NTM: variants seen among roughly 807,000 people sequenced by gnomAD.
NTM encodes IgLON family member 2.
A neutral mutation model predicts 42.1 loss-of-function variants in NTM; 13 were observed. The ratio of observed to expected loss-of-function variants is 0.31; its 90% CI spans 0.20 to 0.49. The LOEUF (loss-of-function observed/expected upper bound fraction) is 0.49, where lower values mean the gene tolerates loss of function less well. NTM is among the 20% of genes least tolerant of loss of function. The pLI is 0.99. For missense variants in NTM, 373 were observed against 452.8 expected, an observed-to-expected ratio of 0.82 and a Z score of 1.60; for synonymous variants, 187 against 179.2, an observed-to-expected ratio of 1.04 and a Z score of -0.35.
At chr11:131,569,798 T>G (rs2057284285) in intron 1 of NTM, among the ~76,000 whole-genome samples, 1 of 152,160 alleles carries the variant, frequency 6.6e-6, no homozygotes, top group Non-Finnish European at 1.5e-5. Context: ...TCAAGCTGGT[T>G]TCAAACTCTT....
intron 1 of NTM, among the ~76,000 whole-genome samples, chr11:131,873,895 A>T (rs1309980104): frequency 7.1e-6 from 1 of 140,830 alleles, no homozygotes; most frequent in Non-Finnish European, 1.5e-5. Context: ...CTTATGAGTG[A>T]GAACATGCAG....
At chr11:132,211,577 C>T (rs1212596383) in intron 3 of NTM, among the ~76,000 whole-genome samples, 1 of 152,236 alleles carries the variant, frequency 6.6e-6, no homozygotes, top group Non-Finnish European at 1.5e-5. Flanking sequence ...TGCATGGCCT[C>T]ATGCCTAGAA....
chr11:131,375,194 C>T (rs980274955), intron 1 of NTM, among the ~76,000 whole-genome samples: 1 of 152,116 alleles, frequency 6.6e-6, no homozygotes, highest in Non-Finnish European at 1.5e-5. Flanking sequence ...CTCTGCGGGC[C>T]TATCTCCCCA....
In NTM at chr11:132,149,542, C is replaced by CA. The variant is rs750161069; in HGVS notation, c.400+3029dup. On this transcript the variant is annotated intron_variant, in intron 3 of 8. Coordinates refer to ENST00000683400, the MANE Select transcript of NTM (RefSeq NM_001352005.2). ...ACACAGAAGGAAGGTAGTGGCATCT[C>CA]ACAGCATTGCACAAGCTGCTTCAGG... Among the ~76,000 whole-genome samples the CA allele has an allele frequency of 2.0e-5, 3 of 152,216 alleles. No individual in the cohort carries two copies. The South Asian group carries it at 6.2e-4, about 32-fold the overall frequency.
intron 1 of NTM, among the ~76,000 whole-genome samples, chr11:131,397,370 G>T (rs895178868): frequency 1.3e-5 from 2 of 152,020 alleles, no homozygotes; most frequent in Non-Finnish European, 2.9e-5. Context: ...TACTCCTTCA[G>T]AATAGCTTAA....
chr11:132,261,600 C>A (rs369734789), intron 4 of NTM, among the ~76,000 whole-genome samples: 1 of 152,280 alleles, frequency 6.6e-6, no homozygotes, highest in African/African-American at 2.4e-5. Flanking sequence ...TAGATGGAGG[C>A]ATTTCTGACA....
At chr11:132,149,947 T>C (rs1029193665) in intron 3 of NTM, among the ~76,000 whole-genome samples, 11 of 152,226 alleles carry the variant, frequency 7.2e-5, no homozygotes, top group Admixed American at 3.9e-4. Context: ...TCCATAGTCA[T>C]GCAAGACTAC....
rs114632786 is a variant in NTM at position 131,877,331 on chromosome 11, G to A, written c.83-34233G>A. On this transcript the variant is annotated intron_variant, in intron 1 of 8. Transcript: ENST00000683400. The stretch of plus-strand genomic sequence containing the variant: ...GAGTCTCCCCACGTTGGCTTTTCTC[G>A]CCTGGCCTCTTGTTTAAGTTGGTTT... 2.7e-3 allele frequency among the ~76,000 whole-genome samples: 413 copies of A among 152,246 alleles called. 2 individuals are homozygous for A. The highest frequency in any genetic ancestry group is 9.4e-3 in the African/African-American group (391 of 41,552).
intron 2 of NTM, among the ~76,000 whole-genome samples, chr11:131,912,520 T>C (rs2055379435): frequency 6.6e-6 from 1 of 152,192 alleles, no homozygotes; most frequent in African/African-American, 2.4e-5. Flanking sequence ...CCAGTGTTGA[T>C]AAACCACACC....
At chr11:131,558,203 C>T (rs554046914) in intron 1 of NTM, among the ~76,000 whole-genome samples, 12 of 152,272 alleles carry the variant, frequency 7.9e-5, no homozygotes, top group South Asian at 2.1e-4. Context: ...AGTTCTTCTG[C>T]GTGCTTCCTT....
chr11:131,893,827 A>G (rs1461124577), intron 1 of NTM, among the ~76,000 whole-genome samples: 1 of 152,114 alleles, frequency 6.6e-6, no homozygotes, highest in Non-Finnish European at 1.5e-5. Context: ...TCTGCGTGTC[A>G]TGAGTGAAAG....
chr11:131,400,030 G>A (rs1944964783), intron 1 of NTM, among the ~76,000 whole-genome samples: 1 of 151,920 alleles, frequency 6.6e-6, no homozygotes, highest in African/African-American at 2.4e-5. Flanking sequence ...CTATGTATGG[G>A]GCCTGATTGC....
intron 1 of NTM, among the ~76,000 whole-genome samples, chr11:131,906,371 C>A (rs2053855411): frequency 6.6e-6 from 1 of 152,098 alleles, no homozygotes; most frequent in Non-Finnish European, 1.5e-5. Context: ...GACTTCTAGT[C>A]TGGATTGGCC....
intron 4 of NTM, among the ~76,000 whole-genome samples, chr11:132,220,848 G>A (rs1194386901): frequency 6.6e-6 from 1 of 152,190 alleles, no homozygotes; most frequent in Non-Finnish European, 1.5e-5. Flanking sequence ...CCATAGCTCA[G>A]TAAGATGCAA....
chr11:131,740,048 C>T (rs900492152), intron 1 of NTM, among the ~76,000 whole-genome samples: 10 of 152,248 alleles, frequency 6.6e-5, no homozygotes, highest in East Asian at 5.8e-4. Flanking sequence ...CACTTTACTG[C>T]GCAGATTGCT....
At chr11:132,200,350 A>G (rs937870076) in intron 3 of NTM, among the ~76,000 whole-genome samples, 6 of 152,182 alleles carry the variant, frequency 3.9e-5, no homozygotes, top group Non-Finnish European at 8.8e-5. Context: ...CATGAGCAAT[A>G]TTGGGACTGT....
intron 1 of NTM, among the ~76,000 whole-genome samples, chr11:131,861,777 T>C (rs563984530): frequency 6.6e-6 from 1 of 152,292 alleles, no homozygotes; most frequent in East Asian, 1.9e-4. Context: ...AAAGGTGTTG[T>C]AGGCCACACA....
At chr11:131,999,799 T>G (rs2068814674) in intron 2 of NTM, among the ~76,000 whole-genome samples, 5 of 152,194 alleles carry the variant, frequency 3.3e-5, no homozygotes, top group Admixed American at 1.3e-4. Context: ...CAACTGTGGC[T>G]GATCAAAGCA....
chr11:131,480,166 G>A (rs934473453), intron 1 of NTM, among the ~76,000 whole-genome samples: 17 of 137,630 alleles, frequency 1.2e-4, no homozygotes, highest in African/African-American at 3.3e-4. Flanking sequence ...CTTAAATTTC[G>A]TACTGAGTCA....
Sources: allele counts gnomAD v4.1 joint callset (sites outside exome capture counted in the v4.1 genomes callset), GRCh38; gene constraint gnomAD v4.1.1; transcripts MANE v1.5; gene names NCBI Gene and HGNC (gene_info 2026-07-23, HGNC 2026-07-21).